CYP4Z1: variants seen among roughly 807,000 people sequenced by gnomAD.
CYP4Z1 encodes cytochrome P450 4Z1.
CYP4Z1 carries 41 observed loss-of-function variants against 54.2 expected under a neutral mutation model. The ratio of observed to expected loss-of-function variants is 0.76; its 90% confidence interval spans 0.59 to 0.98. The LOEUF (loss-of-function observed/expected upper bound fraction) is 0.98, where lower values mean the gene tolerates loss of function less well. CYP4Z1 is among the 50% of genes least tolerant of loss of function. CYP4Z1 has a pLI of 0.00. For synonymous variants in CYP4Z1, 163 were observed against 206.2 expected (o/e 0.79, Z 1.79); for missense variants, 513 against 599.0 (o/e 0.86, Z 1.50).
intron 2 of CYP4Z1, among the ~76,000 whole-genome samples, chr1:47,076,312 C>T (rs1644520471): frequency 6.6e-6 from 1 of 151,036 alleles, no homozygotes; most frequent in Admixed American, 6.6e-5. Context: ...TTTATCATTT[C>T]CTTCCTTCAG....
intron 10 of CYP4Z1, 135 bp downstream of exon 10, chr1:47,115,728 T>C (rs1644825608): frequency 2.4e-6 from 2 of 828,704 alleles, no homozygotes; most frequent in Non-Finnish European, 3.8e-6. Flanking sequence ...AAAAACCCTA[T>C]GCTTTTAAGA....
chr1:47,108,725 T>C (rs1489680307), intron 9 of CYP4Z1, among the ~76,000 whole-genome samples: 2 of 152,234 alleles, frequency 1.3e-5, no homozygotes, highest in Non-Finnish European at 2.9e-5. Context: ...CTGAGCATAC[T>C]ATGATGTGCA....
At chr1:47,098,859 G>T (rs11211441) in intron 7 of CYP4Z1, among the ~76,000 whole-genome samples, 38,761 of 151,938 alleles carry the variant, frequency 0.26, 5,805 homozygotes, top group East Asian at 0.7. Flanking sequence ...AAATATGAAC[G>T]TCCATAGGAC....
chr1:47,102,500 G>C (rs1184667724), intron 8 of CYP4Z1, among the ~76,000 whole-genome samples: 1 of 152,102 alleles, frequency 6.6e-6, no homozygotes, highest in Non-Finnish European at 1.5e-5. Flanking sequence ...GGACTCCCTT[G>C]AGCATTTCTC....
At chr1:47,076,493 G>T (rs1569705197) in intron 2 of CYP4Z1, among the ~76,000 whole-genome samples, 1 of 151,582 alleles carries the variant, frequency 6.6e-6, no homozygotes, top group African/African-American at 2.4e-5. Flanking sequence ...ATTTTCATTT[G>T]CCTCAAAATA....
chr1:47,084,804 T>A lies in CYP4Z1; in HGVS notation c.618-20T>A. Reference sequence around the variant, plus strand: ...AACTGTGTCACCCACTAACATGTTGTTCCATCTTCCCTATTCCAGTACCCT... The same window carrying A: ...AACTGTGTCACCCACTAACATGTTGATCCATCTTCCCTATTCCAGTACCCT... On this transcript the variant is annotated intron_variant, in intron 5 of 11. Coordinates refer to ENST00000334194, the MANE Select transcript of CYP4Z1 (RefSeq NM_178134.3). 1 of 1,589,032 alleles carries A rather than the reference T, an allele frequency of 6.3e-7. No homozygotes were observed. The highest frequency in any genetic ancestry group is 8.5e-7 in the Non-Finnish European group (1 of 1,170,830).
At chr1:47,098,975 A>G in intron 7 of CYP4Z1, 119 bp from the exon 8 acceptor site, 1 of 1,193,956 alleles carries the variant, frequency 8.4e-7, no homozygotes, top group Non-Finnish European at 1.2e-6. Context: ...TATATGCCAA[A>G]TTAGTTGTAT....
chr1:47,058,427 G>A, the CYP4Z1 span, among the ~76,000 whole-genome samples: 17 of 152,180 alleles, frequency 1.1e-4, no homozygotes, highest in South Asian at 2.1e-4. Flanking sequence ...GGACATCCTC[G>A]ATCACCACCT....
intron 8 of CYP4Z1, among the ~76,000 whole-genome samples, chr1:47,103,572 CTTCTTTTTTTTTTCTTTTTT>C (rs1644735422): frequency 3.0e-5 from 4 of 134,400 alleles, no homozygotes; most frequent in African/African-American, 5.9e-5. Context: ...ATCTCACCTT[CTTCTTTTTTTTTTCTTTTTT>C]TTCTTTTTTT....
upstream of CYP4Z1, among the ~76,000 whole-genome samples, chr1:47,067,003 A>G (rs968853808): frequency 1.3e-5 from 2 of 152,176 alleles, no homozygotes; most frequent in African/African-American, 4.8e-5. Flanking sequence ...TAATCAGGGA[A>G]GCTGGAAGGG....
chr1:47,087,074 T>C (rs377208965), intron 6 of CYP4Z1, among the ~76,000 whole-genome samples: 20 of 152,226 alleles, frequency 1.3e-4, no homozygotes, highest in East Asian at 5.8e-4. Flanking sequence ...GGTACCAGTA[T>C]CATGCTGTTT....
Position 47,104,593 on chromosome 1 carries a change from C to T in CYP4Z1, c.1068-1535C>T, listed in dbSNP as rs570581112. The stretch of plus-strand genomic sequence containing the variant: ...GGGCTGAGCAGGCCAGTCCCCAGCC[C>T]GCAGTTGACACATGTGGGTGGATAC... On this transcript the variant is annotated intron_variant, in intron 8 of 11. Transcript: ENST00000334194. 7.9e-5 allele frequency among the ~76,000 whole-genome samples: 12 copies of T among 152,236 alleles called. No individual in the cohort carries two copies. The East Asian group carries it at 2.1e-3, about 27-fold the overall frequency.
intron 6 of CYP4Z1, 50 bp downstream of exon 6, chr1:47,085,028 G>T (rs781096534): frequency 7.1e-6 from 5 of 703,310 alleles, no homozygotes; most frequent in Non-Finnish European, 9.4e-6. Flanking sequence ...ACATCTCATT[G>T]TCTGAGACAT....
intron 2 of CYP4Z1, among the ~76,000 whole-genome samples, chr1:47,077,842 C>G (rs1239523288): frequency 6.6e-6 from 1 of 151,992 alleles, no homozygotes; most frequent in African/African-American, 2.4e-5. Flanking sequence ...TGGTCTCAAA[C>G]TGCTGGCTTC....
chr1:47,062,801 A>G (rs1644431088), upstream of CYP4Z1, among the ~76,000 whole-genome samples: 2 of 152,134 alleles, frequency 1.3e-5, no homozygotes, highest in Admixed American at 6.6e-5. Context: ...TGGGAGCACT[A>G]TGGCCCTGCC....
In CYP4Z1 at chr1:47,094,730, C is replaced by T. The variant is rs540679285; in HGVS notation, c.876+61C>T. On this transcript the variant is annotated intron_variant, in intron 7 of 11. Transcript: ENST00000334194. ...ATAATTAAATAATAAAGAAATAGGC[C>T]GGGCACAGTGACTAGCACCTGTAAT... 60 of 1,293,766 alleles carry T rather than the reference C, an allele frequency of 4.6e-5. 1 individual carries two copies. Among genetic ancestry groups the T allele is most frequent in the East Asian group, 2.9e-4 (12 of 41,058 alleles). The allele number at this position is 1,293,766 out of a possible 1,614,324, so 80.1% of individuals were successfully genotyped here.
chr1:47,111,465 G>A (rs943386380), intron 9 of CYP4Z1, among the ~76,000 whole-genome samples: 1 of 152,186 alleles, frequency 6.6e-6, no homozygotes, highest in African/African-American at 2.4e-5. Context: ...CTACAGGGGT[G>A]AGCCACTGTG....
chr1:47,067,412 C>T lies in CYP4Z1; in HGVS notation c.-79C>T, dbSNP rs2148523688. ...GCCCAGTGTTGCCCAGGGGGCATCT[C>T]CTTTGTGTTTATGAGAGACCTGCAT... On this transcript the variant is annotated 5_prime_UTR_variant, in exon 1 of 12. Transcript: ENST00000334194. The T allele has an allele frequency of 2.3e-6, 3 of 1,303,004 alleles. No homozygotes were observed. The highest frequency in any genetic ancestry group is 3.9e-5 in the South Asian group (2 of 50,860). 80.7% of individuals were successfully genotyped at this position (1,303,004 alleles called of 1,614,324 possible).
chr1:47,105,542 C>A (rs1188704691), intron 8 of CYP4Z1, among the ~76,000 whole-genome samples: 1 of 152,208 alleles, frequency 6.6e-6, no homozygotes, highest in Non-Finnish European at 1.5e-5. Context: ...CTTCTCCAGA[C>A]TCCCAGTTGA....
Sources: gnomAD v4.1 joint callset for allele counts (sites outside exome capture counted in the v4.1 genomes callset) on GRCh38, gnomAD v4.1.1 for gene constraint, MANE v1.5 for transcripts, NCBI Gene and HGNC (gene_info 2026-07-23, HGNC 2026-07-21) for gene names.